PRKG1: variants seen among roughly 807,000 people sequenced by gnomAD.
PRKG1 encodes the protein protein kinase cGMP-dependent 1.
In PRKG1, 35 loss-of-function variants were observed where a neutral mutation model predicts 88.1. That is an observed-to-expected ratio of 0.40 (90% CI 0.30 to 0.53). PRKG1 has a LOEUF of 0.53. Among genes scored for constraint, PRKG1 ranks in the 20% least tolerant of loss-of-function variants. The probability of loss-of-function intolerance (pLI) is 0.59; values close to 1 mark genes in which losing one functional copy is unlikely to be tolerated. For missense variants in PRKG1, 540 were observed against 839.8 expected (o/e 0.64, Z 4.41); for synonymous variants, 303 against 292.5 (o/e 1.04, Z -0.37).
intron 3 of PRKG1, among the ~76,000 whole-genome samples, chr10:51,542,075 A>T (rs777722078): frequency 1.3e-5 from 2 of 152,060 alleles, no homozygotes; most frequent in Non-Finnish European, 2.9e-5. Context: ...GACAGATGAG[A>T]TTAAATTTTC....
chr10:52,029,924 T>A (rs1422073465), intron 5 of PRKG1, among the ~76,000 whole-genome samples: 1 of 152,140 alleles, frequency 6.6e-6, no homozygotes, highest in African/African-American at 2.4e-5. Flanking sequence ...TGATATATCA[T>A]CTCATCATCT....
chr10:51,213,777 T>C (rs1406104035), intron 2 of PRKG1, among the ~76,000 whole-genome samples: 5 of 152,146 alleles, frequency 3.3e-5, no homozygotes, highest in African/African-American at 1.2e-4. Flanking sequence ...TGTGTGTGTT[T>C]ATGTGTGTGT....
At chr10:51,143,879 G>C (rs569805437) in intron 1 of PRKG1, among the ~76,000 whole-genome samples, 14 of 151,882 alleles carry the variant, frequency 9.2e-5, no homozygotes, top group African/African-American at 3.1e-4. Flanking sequence ...ATTAAACCCT[G>C]GTCATGTGTA....
intron 5 of PRKG1, among the ~76,000 whole-genome samples, chr10:52,036,713 G>A (rs566144305): frequency 6.6e-6 from 1 of 152,276 alleles, no homozygotes. Flanking sequence ...CAGGGAAGCA[G>A]ACAATTTAGT....
intron 5 of PRKG1, among the ~76,000 whole-genome samples, chr10:51,963,574 C>T (rs1408231431): frequency 1.3e-5 from 2 of 151,986 alleles, no homozygotes; most frequent in Non-Finnish European, 2.9e-5. Context: ...ATTCTTCCTG[C>T]CTCAGCCACC....
Position 52,106,146 on chromosome 10 carries a change from T to C in PRKG1, c.936-27694T>C, listed in dbSNP as rs145765464. 8.6e-3 allele frequency among the ~76,000 whole-genome samples: 1,312 copies of C among 152,308 alleles called. 17 individuals carry two copies. The highest frequency in any genetic ancestry group is 0.029 in the African/African-American group (1,188 of 41,576). ...CCACCCAGAATGCTTATTTTAAAAATAGCAATAAAATAACAGAGTCTCCAA... is the reference window on the plus strand; with the variant it reads ...CCACCCAGAATGCTTATTTTAAAAACAGCAATAAAATAACAGAGTCTCCAA... On this transcript the variant is annotated intron_variant, in intron 7 of 17. Coordinates refer to ENST00000373980, the MANE Select transcript of PRKG1 (RefSeq NM_006258.4).
At chr10:51,455,379 G>A (rs1385676769) in intron 2 of PRKG1, among the ~76,000 whole-genome samples, 4 of 152,186 alleles carry the variant, frequency 2.6e-5, no homozygotes, top group Non-Finnish European at 4.4e-5. Flanking sequence ...TTAACATTTG[G>A]CTCCTCATTA....
intron 3 of PRKG1, among the ~76,000 whole-genome samples, chr10:51,662,728 C>T (rs72797337): frequency 0.092 from 13,969 of 152,158 alleles, 854 homozygotes; most frequent in Admixed American, 0.14. Context: ...TGAATTCTTA[C>T]TGAAGGATTA....
At chr10:51,324,470 G>A (rs944609764) in intron 2 of PRKG1, among the ~76,000 whole-genome samples, 1 of 151,866 alleles carries the variant, frequency 6.6e-6, no homozygotes, top group East Asian at 1.9e-4. Context: ...ATTGTGGGCC[G>A]GGCGCGGTGG....
chr10:52,030,815 T>G (rs1170217945), intron 5 of PRKG1, among the ~76,000 whole-genome samples: 1 of 152,166 alleles, frequency 6.6e-6, no homozygotes, highest in Non-Finnish European at 1.5e-5. Context: ...AAAATGAGCA[T>G]AAATGTATAA....
At chr10:51,775,789 G>A (rs1838419734) in intron 3 of PRKG1, among the ~76,000 whole-genome samples, 1 of 151,902 alleles carries the variant, frequency 6.6e-6, no homozygotes, top group African/African-American at 2.4e-5. Flanking sequence ...TCACCATGTT[G>A]CCCAGGCTGG....
intron 3 of PRKG1, among the ~76,000 whole-genome samples, chr10:51,539,046 T>C (rs1368133184): frequency 6.6e-6 from 1 of 152,138 alleles, no homozygotes; most frequent in Non-Finnish European, 1.5e-5. Context: ...CAAATTGATT[T>C]GGTGTTATGT....
At chr10:51,117,749 A>G (rs1341437991) in intron 1 of PRKG1, among the ~76,000 whole-genome samples, 1 of 152,250 alleles carries the variant, frequency 6.6e-6, no homozygotes, top group Admixed American at 6.5e-5. Context: ...CTATGCTCAT[A>G]TAACATACCT....
chr10:52,254,936 T>G (rs1841272499), intron 10 of PRKG1, among the ~76,000 whole-genome samples: 1 of 152,092 alleles, frequency 6.6e-6, no homozygotes, highest in Non-Finnish European at 1.5e-5. Context: ...TGACATTCAC[T>G]TGTTTAATAT....
chr10:51,040,728 GA>G (rs1843410105), intron 1 of PRKG1, among the ~76,000 whole-genome samples: 1 of 152,022 alleles, frequency 6.6e-6, no homozygotes, highest in Non-Finnish European at 1.5e-5. Context: ...TTGTAAATGG[GA>G]TTACTTTCTT....
chr10:51,592,315 AC>A (rs1006789833), intron 3 of PRKG1, among the ~76,000 whole-genome samples: 2 of 152,172 alleles, frequency 1.3e-5, no homozygotes, highest in African/African-American at 4.8e-5. Flanking sequence ...AATTAAAGAA[AC>A]ACTTGTTTAC....
intron 4 of PRKG1, among the ~76,000 whole-genome samples, chr10:51,882,288 TC>T (rs1253150405): frequency 2.0e-5 from 3 of 152,192 alleles, no homozygotes; most frequent in Non-Finnish European, 4.4e-5. Flanking sequence ...GGGCTCTTTC[TC>T]CAACCAGGTA....
intron 4 of PRKG1, among the ~76,000 whole-genome samples, chr10:51,897,282 G>C (rs892263237): frequency 1.3e-5 from 2 of 152,100 alleles, no homozygotes; most frequent in African/African-American, 4.8e-5. Context: ...ATTCTGTAAG[G>C]AAGTCACTGG....
intron 1 of PRKG1, among the ~76,000 whole-genome samples, chr10:51,083,317 A>G (rs1844160858): frequency 6.6e-6 from 1 of 152,072 alleles, no homozygotes; most frequent in Non-Finnish European, 1.5e-5. Context: ...CTTTCATCCC[A>G]AGTTTTTTGT....
Sources: allele counts gnomAD v4.1 joint callset (sites outside exome capture counted in the v4.1 genomes callset), GRCh38; gene constraint gnomAD v4.1.1; transcripts MANE v1.5; gene names NCBI Gene and HGNC (gene_info 2026-07-23, HGNC 2026-07-21).